The following BPIFB4 variants were observed in gnomAD, a reference collection of about 807,000 sequenced individuals.
BPIFB4 encodes the protein BPI fold-containing family B member 4.
Under a neutral mutation model 69.2 loss-of-function variants are expected in BPIFB4, and 62 were observed. That is an observed-to-expected ratio of 0.90 (90% CI 0.73 to 1.11). BPIFB4 has a LOEUF of 1.11. BPIFB4 is among the 50% of genes least tolerant of loss of function. BPIFB4 has a pLI of 0.00. For missense variants in BPIFB4, 789 were observed against 792.0 expected (o/e 1.00, Z 0.04); for synonymous variants, 330 against 332.7 (o/e 0.99, Z 0.09).
chr20:33,105,844 C>T (rs539247994), intron 16 of BPIFB4, among the ~76,000 whole-genome samples: 7 of 152,246 alleles, frequency 4.6e-5, no homozygotes, highest in Admixed American at 2.6e-4. Flanking sequence ...AGGGAAGAGA[C>T]GGAGCGTCTT....
intron 6 of BPIFB4, among the ~76,000 whole-genome samples, chr20:33,085,333 T>C (rs1366568124): frequency 6.6e-6 from 1 of 152,208 alleles, no homozygotes; most frequent in African/African-American, 2.4e-5. Context: ...CAGGTGCCTG[T>C]AGTCCCAGCT....
chr20:33,081,713 C>A, intron 3 of BPIFB4, 81 bp downstream of exon 3: 1 of 1,521,542 alleles, frequency 6.6e-7, no homozygotes, highest in Non-Finnish European at 8.9e-7. Context: ...CCAGGAACCT[C>A]CTCCTGCTAG....
intron 16 of BPIFB4, among the ~76,000 whole-genome samples, chr20:33,106,928 G>A (rs1189814830): frequency 3.9e-5 from 6 of 152,148 alleles, no homozygotes; most frequent in South Asian, 2.1e-4. Flanking sequence ...TGCCAGGGCC[G>A]GGCACAGTAG....
At chr20:33,107,232 A>AG (rs1982087639) in intron 16 of BPIFB4, among the ~76,000 whole-genome samples, 1 of 148,116 alleles carries the variant, frequency 6.8e-6, no homozygotes, top group African/African-American at 2.5e-5. Flanking sequence ...GAAGGAAGGA[A>AG]GGAAGGAAAG....
chr20:33,110,050 C>G (rs898628840), intron 17 of BPIFB4, among the ~76,000 whole-genome samples: 2 of 152,146 alleles, frequency 1.3e-5, no homozygotes, highest in Non-Finnish European at 2.9e-5. Context: ...AACAGAGTAC[C>G]ATGATCAAAA....
At chr20:33,083,177 G>A in intron 4 of BPIFB4, among the ~76,000 whole-genome samples, 177 bp downstream of exon 4, 1 of 137,472 alleles carries the variant, frequency 7.3e-6, no homozygotes, top group South Asian at 2.6e-4. Flanking sequence ...CAGTGGTGGG[G>A]AGTTGCTGGG....
At chr20:33,083,161 T>G (rs2146401853) in intron 4 of BPIFB4, among the ~76,000 whole-genome samples, 161 bp downstream of exon 4, 1 of 120,592 alleles carries the variant, frequency 8.3e-6, no homozygotes, top group Non-Finnish European at 1.7e-5. Context: ...TGGGTGGCAG[T>G]GGCAGCAGTG....
At position 33,086,002 on chromosome 20, in the gene BPIFB4, G is replaced by T. The variant is rs777912349; in HGVS notation, c.783-19G>T. On this transcript the variant is annotated intron_variant, in intron 6 of 17. Coordinates refer to ENST00000375483, the MANE Select transcript of BPIFB4 (RefSeq NM_182519.3). ...CTGGGGGTGACTCATGGTCTCCCTG[G>T]CCCCTTGGCCTCCTCCAGTCTTATT... 4 of 1,597,624 alleles carry T rather than the reference G, an allele frequency of 2.5e-6. No homozygotes were observed. The Admixed American group carries it at 5.0e-5, about 20-fold the overall frequency.
At chr20:33,102,835 T>G in intron 14 of BPIFB4, 137 bp from the exon 15 acceptor site, 4 of 875,286 alleles carry the variant, frequency 4.6e-6, no homozygotes, top group South Asian at 1.5e-5. Flanking sequence ...AGAGCCAGCA[T>G]TGTTCTTATT....
chr20:33,099,173 A>G (rs115791706), intron 13 of BPIFB4, among the ~76,000 whole-genome samples: 1,637 of 151,594 alleles, frequency 0.011, 28 homozygotes, highest in African/African-American at 0.037. Context: ...GACACTTGGG[A>G]CTCTGGTCCC....
At chr20:33,109,540 ATGGCTCTCAG>A (rs1222727569) in intron 17 of BPIFB4, among the ~76,000 whole-genome samples, 1 of 152,054 alleles carries the variant, frequency 6.6e-6, no homozygotes, top group Non-Finnish European at 1.5e-5. Flanking sequence ...GCTCAAACCA[ATGGCTCTCAG>A]TGGGGCTGTA....
At position 33,090,819 on chromosome 20, in the gene BPIFB4, G is replaced by T. The variant is rs1484953914; in HGVS notation, c.1143+20G>T. ...CTCAACGTGAGTGCCTGGGGTTCAG[G>T]GCAAAGGGTGGTGGCCCTCCTCCCA... On this transcript the variant is annotated intron_variant, in intron 10 of 17. Coordinates refer to ENST00000375483, the MANE Select transcript of BPIFB4 (RefSeq NM_182519.3). 2 of 1,613,536 alleles carry T rather than the reference G, an allele frequency of 1.2e-6. No homozygotes were observed. The highest frequency in any genetic ancestry group is 2.7e-5 in the African/African-American group (2 of 74,920).
intron 2 of BPIFB4, among the ~76,000 whole-genome samples, chr20:33,081,241 A>G (rs953512740): frequency 1.3e-5 from 2 of 152,226 alleles, no homozygotes; most frequent in Non-Finnish European, 2.9e-5. Context: ...CAATTTGTCA[A>G]TTCCATCTTG....
At chr20:33,085,902 TTAGAGA>T in intron 6 of BPIFB4, 113 bp from the exon 7 acceptor site, 1 of 1,289,508 alleles carries the variant, frequency 7.8e-7, no homozygotes, top group Non-Finnish European at 1.1e-6. Context: ...GTTGGGTTCC[TTAGAGA>T]TGAGCAAGGA....
chr20:33,083,026 G>T (rs1439998976), intron 4 of BPIFB4, 26 bp downstream of exon 4: 1 of 1,576,622 alleles, frequency 6.3e-7, no homozygotes, highest in Admixed American at 1.7e-5. Context: ...ATGGTGGTGG[G>T]CCTCTCCTGG....
At chr20:33,098,571 T>C (rs1981821798) in intron 13 of BPIFB4, among the ~76,000 whole-genome samples, 2 of 151,784 alleles carry the variant, frequency 1.3e-5, no homozygotes, top group South Asian at 4.2e-4. Flanking sequence ...ATGGTGAAAC[T>C]CTGCCTCTAC....
chr20:33,089,914 G>A (rs1215923387), intron 9 of BPIFB4, among the ~76,000 whole-genome samples: 1 of 152,226 alleles, frequency 6.6e-6, no homozygotes, highest in Non-Finnish European at 1.5e-5. Context: ...ACTCTTCCCA[G>A]TTTTCTCATC....
intron 9 of BPIFB4, among the ~76,000 whole-genome samples, chr20:33,090,283 T>C (rs1981560048): frequency 6.6e-6 from 1 of 152,138 alleles, no homozygotes; most frequent in African/African-American, 2.4e-5. Context: ...TGGCCAGAGA[T>C]GAGGAAGGAA....
chr20:33,088,340 CAAA>C (rs11167197), intron 7 of BPIFB4, among the ~76,000 whole-genome samples: 101 of 122,776 alleles, frequency 8.2e-4, no homozygotes, highest in African/African-American at 2.0e-3. Context: ...GACTCTGTCT[CAAA>C]AAAAAAAAAA....
Sources: allele counts gnomAD v4.1 joint callset (sites outside exome capture counted in the v4.1 genomes callset), GRCh38; gene constraint gnomAD v4.1.1; transcripts MANE v1.5; gene names NCBI Gene and HGNC (gene_info 2026-07-23, HGNC 2026-07-21).